Variants in KCNB2 observed in about 807,000 individuals in gnomAD.
The protein encoded by KCNB2 is delayed rectifier potassium channel protein.
In KCNB2, 15 loss-of-function variants were observed where a neutral mutation model predicts 61.5. The ratio of observed to expected loss-of-function variants is 0.24; its 90% CI spans 0.16 to 0.38. KCNB2 has a LOEUF of 0.38. Among genes scored for constraint, KCNB2 ranks in the 10% least tolerant of loss-of-function variants. KCNB2 has a pLI of 1.00. For missense variants in KCNB2, 828 were observed against 1,125.2 expected (o/e 0.74, Z 3.78); for synonymous variants, 457 against 446.0 (o/e 1.02, Z -0.31).
intron 2 of KCNB2, among the ~76,000 whole-genome samples, chr8:72,739,939 T>G (rs946268478): frequency 3.3e-5 from 5 of 152,018 alleles, no homozygotes; most frequent in Non-Finnish European, 1.5e-5. Context: ...AGACATTTAG[T>G]GAATATTTGC....
chr8:72,755,599 G>A (rs1002951948), intron 2 of KCNB2, among the ~76,000 whole-genome samples: 1 of 152,128 alleles, frequency 6.6e-6, no homozygotes, highest in Non-Finnish European at 1.5e-5. Context: ...ATGAAAAACT[G>A]CCCAACACCT....
intron 2 of KCNB2, among the ~76,000 whole-genome samples, chr8:72,806,214 C>T (rs936746881): frequency 5.5e-4 from 84 of 151,828 alleles, no homozygotes; most frequent in Non-Finnish European, 3.8e-4. Context: ...AAAAATTAGC[C>T]GGGCATGGTG....
chr8:72,849,787 A>G (rs1329524506), intron 2 of KCNB2, among the ~76,000 whole-genome samples: 1 of 152,192 alleles, frequency 6.6e-6, no homozygotes, highest in Non-Finnish European at 1.5e-5. Flanking sequence ...TATCTGTGTC[A>G]TCCTATTATC....
chr8:72,806,431 C>T (rs562622294), intron 2 of KCNB2, among the ~76,000 whole-genome samples: 1 of 148,140 alleles, frequency 6.8e-6, no homozygotes, highest in East Asian at 2.0e-4. Flanking sequence ...CATGGTAAAA[C>T]CCCATCTCTA....
intron 2 of KCNB2, among the ~76,000 whole-genome samples, chr8:72,839,679 C>A (rs1359212311): frequency 5.1e-5 from 7 of 136,570 alleles, no homozygotes; most frequent in Non-Finnish European, 1.1e-4. Context: ...GTGGCGCGAT[C>A]TCGGCTCGCT....
chr8:72,701,880 G>A (rs555172393), intron 2 of KCNB2, among the ~76,000 whole-genome samples: 40 of 152,120 alleles, frequency 2.6e-4, no homozygotes, highest in Admixed American at 8.5e-4. Context: ...TTACAAAGCA[G>A]TACTTTTTCA....
intron 2 of KCNB2, among the ~76,000 whole-genome samples, chr8:72,714,534 C>A (rs1357195638): frequency 6.6e-6 from 1 of 152,004 alleles, no homozygotes; most frequent in African/African-American, 2.4e-5. Context: ...GAATTTTCAA[C>A]CCAGAATTTC....
At chr8:72,851,798 C>CTTTT (rs67080189) in intron 2 of KCNB2, among the ~76,000 whole-genome samples, 3 of 96,908 alleles carry the variant, frequency 3.1e-5, no homozygotes, top group Admixed American at 1.5e-4. Context: ...TTTCTTCTTC[C>CTTTT]TTTTTTTTTT....
chr8:72,798,014 C>G (rs1426095193), intron 2 of KCNB2, among the ~76,000 whole-genome samples: 4 of 152,154 alleles, frequency 2.6e-5, no homozygotes, highest in Non-Finnish European at 5.9e-5. Flanking sequence ...CCTACCATTT[C>G]CCTTCTTCAT....
At chr8:72,688,170 T>C (rs557108623) in intron 2 of KCNB2, among the ~76,000 whole-genome samples, 1 of 152,334 alleles carries the variant, frequency 6.6e-6, no homozygotes, top group Non-Finnish European at 1.5e-5. Context: ...GAAAATGATC[T>C]TTGTAAAATA....
chr8:72,833,216 T>C (rs1809727361), intron 2 of KCNB2, among the ~76,000 whole-genome samples: 1 of 152,154 alleles, frequency 6.6e-6, no homozygotes, highest in African/African-American at 2.4e-5. Context: ...TATGTTACAA[T>C]AAAATTTTAA....
At chr8:72,608,133 C>A (rs1357316906) in intron 2 of KCNB2, among the ~76,000 whole-genome samples, 1 of 152,134 alleles carries the variant, frequency 6.6e-6, no homozygotes, top group Non-Finnish European at 1.5e-5. Flanking sequence ...GTGATAGAGA[C>A]TTCTGGGTGG....
chr8:72,856,068 G>T (rs1195951843), intron 2 of KCNB2, among the ~76,000 whole-genome samples: 1 of 152,092 alleles, frequency 6.6e-6, no homozygotes, highest in Non-Finnish European at 1.5e-5. Context: ...TTAATCTGCA[G>T]GTGGTTGAAT....
chr8:72,864,280 C>T (rs1432665702), intron 2 of KCNB2, among the ~76,000 whole-genome samples: 17 of 152,252 alleles, frequency 1.1e-4, no homozygotes, highest in African/African-American at 3.9e-4. Context: ...CCAGTGTCCA[C>T]CCAGAAGACA....
intron 2 of KCNB2, among the ~76,000 whole-genome samples, chr8:72,661,710 A>G (rs778768387): frequency 2.0e-5 from 3 of 152,152 alleles, no homozygotes; most frequent in Non-Finnish European, 4.4e-5. Context: ...AGGCTGTTTT[A>G]GTTGCAGCTA....
chr8:72,704,917 G>A (rs929617590), intron 2 of KCNB2, among the ~76,000 whole-genome samples: 4 of 151,898 alleles, frequency 2.6e-5, no homozygotes, highest in African/African-American at 7.3e-5. Context: ...CAATGTAAAT[G>A]TTATGTAAAC....
At chr8:72,685,104 A>G (rs764093005) in intron 2 of KCNB2, among the ~76,000 whole-genome samples, 5 of 152,222 alleles carry the variant, frequency 3.3e-5, no homozygotes, top group Non-Finnish European at 5.9e-5. Context: ...TGTTGGATTT[A>G]AGAATATTAT....
intron 2 of KCNB2, among the ~76,000 whole-genome samples, chr8:72,655,797 G>A (rs1295022454): frequency 1.3e-5 from 2 of 152,040 alleles, no homozygotes; most frequent in African/African-American, 4.8e-5. Flanking sequence ...CTAAAAGATG[G>A]CATGGATACA....
chr8:72,674,716 A>G (rs768398776), intron 2 of KCNB2, among the ~76,000 whole-genome samples: 8 of 152,270 alleles, frequency 5.3e-5, no homozygotes, highest in Non-Finnish European at 1.2e-4. Flanking sequence ...TTTTGCATGG[A>G]AGGAAGAAAC....
Sources: gnomAD v4.1 joint callset for allele counts (sites outside exome capture counted in the v4.1 genomes callset) on GRCh38, gnomAD v4.1.1 for gene constraint, MANE v1.5 for transcripts, NCBI Gene and HGNC (gene_info 2026-07-23, HGNC 2026-07-21) for gene names.